The following SLC38A6 variants were observed in gnomAD, a reference collection of about 807,000 sequenced individuals.
The protein encoded by SLC38A6 is N system amino acid transporter NAT-1.
SLC38A6 carries 73 observed loss-of-function variants against 65.0 expected under a neutral mutation model. The observed-to-expected ratio is 1.12, with a 90% CI of 0.93 to 1.37. The LOEUF is 1.37. SLC38A6 is among the 40% of genes most tolerant of loss of function. The pLI is 0.00. For missense variants in SLC38A6, 561 were observed against 531.1 expected, an observed-to-expected ratio of 1.06 and a Z score of -0.55; for synonymous variants, 183 against 178.8, an observed-to-expected ratio of 1.02 and a Z score of -0.19.
At chr14:61,018,928 A>AG (rs2139570841) in intron 4 of SLC38A6, among the ~76,000 whole-genome samples, 1 of 152,296 alleles carries the variant, frequency 6.6e-6, no homozygotes, top group Non-Finnish European at 1.5e-5. Flanking sequence ...GCCCCATTGA[A>AG]GGGGGAGGAA....
At chr14:61,074,967 A>G (rs1369689910) in intron 15 of SLC38A6, among the ~76,000 whole-genome samples, 1 of 152,144 alleles carries the variant, frequency 6.6e-6, no homozygotes, top group Non-Finnish European at 1.5e-5. Flanking sequence ...TACTTTAAAG[A>G]GGGTCATTTT....
intron 15 of SLC38A6, among the ~76,000 whole-genome samples, chr14:61,072,142 G>A (rs1025468701): frequency 1.3e-5 from 2 of 152,302 alleles, no homozygotes; most frequent in Admixed American, 6.5e-5. Flanking sequence ...CCACCCTCTG[G>A]AGGGGAGGAA....
intron 5 of SLC38A6, among the ~76,000 whole-genome samples, chr14:61,022,967 G>C (rs921445745): frequency 6.6e-6 from 1 of 152,154 alleles, no homozygotes; most frequent in Non-Finnish European, 1.5e-5. Context: ...AATGTGAAAA[G>C]ATTAAATGTT....
intron 2 of SLC38A6, 81 bp downstream of exon 2, chr14:60,982,719 C>T: frequency 2.8e-6 from 4 of 1,418,710 alleles, no homozygotes; most frequent in Middle Eastern, 2.6e-4. Flanking sequence ...ATTCCAGAAG[C>T]TGCTATTATA....
chr14:61,009,790 A>G (rs1051083206), intron 3 of SLC38A6, among the ~76,000 whole-genome samples: 1 of 152,214 alleles, frequency 6.6e-6, no homozygotes, highest in African/African-American at 2.4e-5. Flanking sequence ...ATTGTTGGAC[A>G]TTTAGGTTGG....
intron 3 of SLC38A6, among the ~76,000 whole-genome samples, chr14:61,006,025 A>T (rs1052119724): frequency 2.6e-5 from 4 of 152,108 alleles, no homozygotes; most frequent in East Asian, 1.9e-4. Flanking sequence ...ATAATGCCGC[A>T]TATCTACACC....
At chr14:61,021,225 G>T (rs969141666) in intron 5 of SLC38A6, among the ~76,000 whole-genome samples, 1 of 152,112 alleles carries the variant, frequency 6.6e-6, no homozygotes, top group Non-Finnish European at 1.5e-5. Context: ...GAGCTGAAAT[G>T]ATTTGTATAA....
At chr14:60,985,996 A>G (rs1594950887) in intron 3 of SLC38A6, among the ~76,000 whole-genome samples, 1 of 152,246 alleles carries the variant, frequency 6.6e-6, no homozygotes, top group African/African-American at 2.4e-5. Context: ...GCACCAAGCC[A>G]TTCATGAGGG....
intron 5 of SLC38A6, among the ~76,000 whole-genome samples, chr14:61,029,263 C>A (rs1033769325): frequency 6.7e-6 from 1 of 150,086 alleles, no homozygotes; most frequent in Non-Finnish European, 1.5e-5. Flanking sequence ...TCAAGCGATT[C>A]TCCTGCCTCA....
intron 2 of SLC38A6, 54 bp downstream of exon 2, chr14:60,982,692 G>A: frequency 6.6e-7 from 1 of 1,523,352 alleles, no homozygotes; most frequent in Non-Finnish European, 8.9e-7. Flanking sequence ...ATAATATACG[G>A]AGAAGTAGAG....
At chr14:61,037,328 C>G (rs911389612) in intron 7 of SLC38A6, among the ~76,000 whole-genome samples, 187 bp downstream of exon 7, 2 of 152,080 alleles carry the variant, frequency 1.3e-5, no homozygotes, top group African/African-American at 4.8e-5. Flanking sequence ...GCCTAGTTAA[C>G]CTATTACTTG....
intron 8 of SLC38A6, among the ~76,000 whole-genome samples, chr14:61,041,390 G>C (rs1272595553): frequency 6.6e-6 from 1 of 152,046 alleles, no homozygotes; most frequent in African/African-American, 2.4e-5. Flanking sequence ...ATAAAATCAG[G>C]CTACTTCTTA....
intron 6 of SLC38A6, among the ~76,000 whole-genome samples, chr14:61,031,839 A>C (rs2041015327): frequency 6.6e-6 from 1 of 151,988 alleles, no homozygotes; most frequent in Admixed American, 6.6e-5. Context: ...AGAGGGCTAG[A>C]CTAAGAGTAA....
intron 15 of SLC38A6, among the ~76,000 whole-genome samples, chr14:61,065,172 C>T (rs80202569): frequency 1.1e-3 from 161 of 152,234 alleles, no homozygotes; most frequent in African/African-American, 3.7e-3. Flanking sequence ...TCAATACAAT[C>T]TAGGTATAGA....
chr14:61,044,801 G>A (rs1419869193), intron 10 of SLC38A6, among the ~76,000 whole-genome samples: 1 of 152,038 alleles, frequency 6.6e-6, no homozygotes. Flanking sequence ...TAGAATAAAT[G>A]ATATTCATTC....
intron 8 of SLC38A6, among the ~76,000 whole-genome samples, chr14:61,042,218 A>G (rs897900400): frequency 1.3e-5 from 2 of 152,158 alleles, no homozygotes; most frequent in Non-Finnish European, 2.9e-5. Flanking sequence ...TTTTCCTTAT[A>G]TTTGTTTTAT....
chr14:61,071,162 C>G (rs949175753), intron 15 of SLC38A6, among the ~76,000 whole-genome samples: 1 of 152,008 alleles, frequency 6.6e-6, no homozygotes, highest in Non-Finnish European at 1.5e-5. Context: ...ATGCATAGAC[C>G]ATAATTTAAT....
chr14:61,073,452 A>G (rs1017602474), intron 15 of SLC38A6, among the ~76,000 whole-genome samples: 2 of 152,180 alleles, frequency 1.3e-5, no homozygotes, highest in African/African-American at 4.8e-5. Flanking sequence ...TTTGGGGGGA[A>G]CAAACATTTA....
chr14:61,032,107 A>G (rs1475484225), intron 6 of SLC38A6, among the ~76,000 whole-genome samples: 3 of 152,092 alleles, frequency 2.0e-5, no homozygotes, highest in Non-Finnish European at 2.9e-5. Flanking sequence ...AATAATTACT[A>G]TATTAAACGT....
Sources: allele counts gnomAD v4.1 joint callset (sites outside exome capture counted in the v4.1 genomes callset), GRCh38; gene constraint gnomAD v4.1.1; transcripts MANE v1.5; gene names NCBI Gene and HGNC (gene_info 2026-07-23, HGNC 2026-07-21).